Variants in TRUB1 observed in about 807,000 individuals in gnomAD.
The protein encoded by TRUB1 is pseudouridylate synthase TRUB1.
TRUB1 carries 23 observed loss-of-function variants against 33.9 expected under a neutral mutation model. That is an observed-to-expected ratio of 0.68 (90% CI 0.49 to 0.96). The LOEUF (loss-of-function observed/expected upper bound fraction) is 0.96, where lower values mean the gene tolerates loss of function less well. Ranked by LOEUF, TRUB1 falls within the 40% of genes least tolerant of loss-of-function variation. TRUB1 has a pLI of 0.00. For synonymous variants in TRUB1, 163 were observed against 165.4 expected, an observed-to-expected ratio of 0.99 and a Z score of 0.11; for missense variants, 378 against 422.2, an observed-to-expected ratio of 0.90 and a Z score of 0.92.
At position 114,953,913 on chromosome 10, in the gene TRUB1, G is replaced by A. The variant is rs142013113; in HGVS notation, c.441+2764G>A. On this transcript the variant is annotated intron_variant, in intron 3 of 7. Transcript: ENST00000298746. ...GCACCAAGCAATTAATGCAGGATCC[G>A]CCCTCATAACCCAGACAATTCCCAC... Among the ~76,000 whole-genome samples the A allele has an allele frequency of 5.9e-3, 891 of 152,118 alleles. 6 individuals carry two copies. The highest frequency in any genetic ancestry group is 0.024 in the Middle Eastern group (7 of 294).
chr10:114,942,926 G>A (rs572189103), intron 2 of TRUB1, among the ~76,000 whole-genome samples, 183 bp downstream of exon 2: 1 of 152,316 alleles, frequency 6.6e-6, no homozygotes, highest in Non-Finnish European at 1.5e-5. Context: ...AGGCCTACAA[G>A]GCTGTTAGAA....
chr10:114,945,654 T>G (rs2084207982), intron 2 of TRUB1, among the ~76,000 whole-genome samples: 1 of 152,228 alleles, frequency 6.6e-6, no homozygotes, highest in South Asian at 2.1e-4. Context: ...GTAAACTTTC[T>G]TAAAACATCA....
intron 2 of TRUB1, among the ~76,000 whole-genome samples, chr10:114,946,647 G>T (rs950345659): frequency 5.9e-5 from 9 of 151,890 alleles, no homozygotes; most frequent in African/African-American, 2.2e-4. Context: ...CGGCCAAAAG[G>T]TCTTTTTTGA....
In TRUB1 at chr10:114,952,525, A is replaced by G. The variant is rs918598249; in HGVS notation, c.441+1376A>G. ...GGTAGGTAGGTAGATAGATACATAG[A>G]TACATAGATTGATTGATTGATTGAT... is the stretch of plus-strand genomic sequence containing the variant. On this transcript the variant is annotated intron_variant, in intron 3 of 7. Coordinates refer to ENST00000298746, the MANE Select transcript of TRUB1 (RefSeq NM_139169.5). 2.6e-5 allele frequency among the ~76,000 whole-genome samples: 4 copies of G among 152,336 alleles called. No individual in the cohort carries two copies. In the East Asian group the frequency reaches 5.8e-4, roughly 22 times the overall value.
At chr10:114,948,354 C>G (rs2084220072) in intron 2 of TRUB1, among the ~76,000 whole-genome samples, 2 of 152,198 alleles carry the variant, frequency 1.3e-5, no homozygotes. Flanking sequence ...AGCCTGCCTG[C>G]TGCTCTTCTA....
chr10:114,947,227 C>T (rs960615360), intron 2 of TRUB1, among the ~76,000 whole-genome samples: 2 of 152,070 alleles, frequency 1.3e-5, no homozygotes, highest in Non-Finnish European at 2.9e-5. Context: ...GGATTCTCCC[C>T]TAGCACCTCC....
At chr10:114,938,574 G>A (rs2143019734) in intron 1 of TRUB1, 35 bp downstream of exon 1, 2 of 1,499,980 alleles carry the variant, frequency 1.3e-6, no homozygotes, top group Non-Finnish European at 1.8e-6. Context: ...GGCTGAGGCG[G>A]TCGCTGCGAG....
chr10:114,963,265 T>C (rs1366236745), intron 4 of TRUB1, among the ~76,000 whole-genome samples: 5 of 152,220 alleles, frequency 3.3e-5, no homozygotes, highest in Non-Finnish European at 7.3e-5. Context: ...GTAGCTGATG[T>C]TGTATCTAAT....
At chr10:114,973,964 A>G (rs185952585) in intron 6 of TRUB1, among the ~76,000 whole-genome samples, 2 of 152,286 alleles carry the variant, frequency 1.3e-5, no homozygotes, top group East Asian at 1.9e-4. Context: ...ACAACCTATT[A>G]AATGAACAAG....
intron 2 of TRUB1, among the ~76,000 whole-genome samples, chr10:114,944,673 A>C (rs2084203975): frequency 6.6e-6 from 1 of 152,026 alleles, no homozygotes; most frequent in African/African-American, 2.4e-5. Flanking sequence ...TAAATAAATA[A>C]ATAAACAAAC....
intron 1 of TRUB1, among the ~76,000 whole-genome samples, chr10:114,940,068 G>A (rs1017721020): frequency 5.3e-5 from 8 of 152,116 alleles, no homozygotes; most frequent in African/African-American, 1.9e-4. Flanking sequence ...AGTTAGGCTA[G>A]GGCTTTCCAA....
chr10:114,972,969 G>A (rs1012717324), intron 6 of TRUB1, among the ~76,000 whole-genome samples: 2 of 152,124 alleles, frequency 1.3e-5, no homozygotes, highest in African/African-American at 4.8e-5. Flanking sequence ...CCAAAGCCGT[G>A]GTTCTTAATC....
chr10:114,964,205 C>T (rs1178719817), intron 4 of TRUB1, among the ~76,000 whole-genome samples: 1 of 151,992 alleles, frequency 6.6e-6, no homozygotes, highest in Non-Finnish European at 1.5e-5. Flanking sequence ...AGTGATAATT[C>T]CATTGTGGTT....
Position 114,977,489 on chromosome 10 carries a change from T to C in TRUB1, c.*2110T>C, listed in dbSNP as rs1318073960. ...ATAATATGAAGAACTTTATGACTTA[T>C]GTTTGCCTTATTGCATTCCCAAAGA... On this transcript the variant is annotated 3_prime_UTR_variant, in exon 8 of 8. Coordinates refer to ENST00000298746, the MANE Select transcript of TRUB1 (RefSeq NM_139169.5). The C allele has an allele frequency of 1.3e-5, 2 of 152,184 alleles. No homozygotes were observed. Among genetic ancestry groups the C allele is most frequent in the African/African-American group, 4.8e-5 (2 of 41,564 alleles). The allele number at this position is 152,184 out of a possible 1,614,324, so 9.4% of individuals were successfully genotyped here. A position where few individuals can be genotyped will look rare whatever the true frequency, so the allele number is the denominator to read the frequency against.
chr10:114,970,301 G>C (rs935373578), intron 4 of TRUB1, 67 bp from the exon 5 acceptor site: 4 of 1,094,222 alleles, frequency 3.7e-6, no homozygotes, highest in Non-Finnish European at 5.5e-6. Flanking sequence ...CAGGGCTGTT[G>C]GTGCTGTGAA....
In TRUB1 at chr10:114,938,496, T is replaced by G. The variant is rs147199437; in HGVS notation, c.243T>G (p.Thr81=). ...CCGTGCACAAGCCCAAAGGGCCCAC[T>G]TCAGCCGAGCTGCTGAATCGGTTGA... ...VFAVHKPKGP[T]SAELLNRLKE... The change falls in exon 1 of 8, where the codon ACT becomes ACG. Residue 81 remains threonine, a synonymous_variant. Transcript: ENST00000298746. The G allele has an allele frequency of 7.6e-6, 12 of 1,570,420 alleles. No homozygotes were observed. The highest frequency in any genetic ancestry group is 2.0e-5 in the Admixed American group (1 of 50,704).
chr10:114,946,328 G>T (rs985732770), intron 2 of TRUB1, among the ~76,000 whole-genome samples: 23 of 151,956 alleles, frequency 1.5e-4, no homozygotes, highest in Non-Finnish European at 1.5e-5. Context: ...GCTGTATACA[G>T]GTCTTTTTTA....
At chr10:114,949,615 T>C (rs2084225417) in intron 2 of TRUB1, among the ~76,000 whole-genome samples, 1 of 151,886 alleles carries the variant, frequency 6.6e-6, no homozygotes, top group African/African-American at 2.4e-5. Flanking sequence ...ATGTGAAAAA[T>C]AGGGTTTCAG....
intron 4 of TRUB1, 178 bp downstream of exon 4, chr10:114,959,985 G>T (rs2084278527): frequency 1.8e-6 from 1 of 547,952 alleles, no homozygotes. Context: ...AGGAGTTTTT[G>T]AATAAAGATT....
Sources: allele counts gnomAD v4.1 joint callset (sites outside exome capture counted in the v4.1 genomes callset), GRCh38; gene constraint gnomAD v4.1.1; transcripts MANE v1.5; gene names NCBI Gene and HGNC (gene_info 2026-07-23, HGNC 2026-07-21).